The following GGA3 variants were observed in gnomAD, a reference collection of about 807,000 sequenced individuals.
GGA3 encodes the protein golgi associated, gamma adaptin ear containing, ARF binding protein 3, also known as ADP-ribosylation factor-binding protein GGA3.
A neutral mutation model predicts 77.5 loss-of-function variants in GGA3; 57 were observed. The observed-to-expected ratio is 0.74, with a 90% CI of 0.59 to 0.92. The LOEUF (loss-of-function observed/expected upper bound fraction) is 0.92. GGA3 is among the 40% of genes least tolerant of loss of function. The pLI is 0.00. For missense variants in GGA3, 970 were observed against 914.9 expected (o/e 1.06, Z -0.78); for synonymous variants, 416 against 383.7 (o/e 1.08, Z -0.98).
At chr17:75,250,864 G>A (rs2076941690) in intron 1 of GGA3, among the ~76,000 whole-genome samples, 1 of 151,322 alleles carries the variant, frequency 6.6e-6, no homozygotes, top group African/African-American at 2.4e-5. Flanking sequence ...GATCACCTGC[G>A]TGAGGTTAGG....
At position 75,243,186 on chromosome 17, in the gene GGA3, C is replaced by G. The variant is rs1191295303; in HGVS notation, c.425-20G>C. On this transcript the variant is annotated intron_variant, in intron 5 of 16. Transcript: ENST00000537686. The stretch of plus-strand genomic sequence containing the variant: ...CTATGCCTGAAAGGGGACATGGCAG[C>G]ACGTGCACTCAGGCTGTGGTTGCCT... 6.5e-7 allele frequency: 1 copy of G among 1,542,632 alleles called. No individual in the cohort carries two copies. Among genetic ancestry groups the G allele is most frequent in the Non-Finnish European group, 8.9e-7 (1 of 1,123,906 alleles).
chr17:75,259,281 ATCT>A (rs762509109), intron 1 of GGA3, among the ~76,000 whole-genome samples: 13 of 152,118 alleles, frequency 8.5e-5, no homozygotes, highest in East Asian at 5.8e-4. Context: ...TAAAGGCAAA[ATCT>A]TCTTAAACTT....
At chr17:75,246,465 G>C in intron 3 of GGA3, 44 bp downstream of exon 3, 1 of 1,286,232 alleles carries the variant, frequency 7.8e-7, no homozygotes, top group Non-Finnish European at 1.1e-6. Context: ...GGCGTGGGCA[G>C]GTGAAGGGCT....
At chr17:75,261,282 G>T in intron 1 of GGA3, among the ~76,000 whole-genome samples, 1 of 152,222 alleles carries the variant, frequency 6.6e-6, no homozygotes, top group Non-Finnish European at 1.5e-5. Flanking sequence ...GCCTTTCCCC[G>T]AGCCTGCGGT....
intron 1 of GGA3, among the ~76,000 whole-genome samples, chr17:75,253,853 T>C (rs2077054452): frequency 6.6e-6 from 1 of 152,150 alleles, no homozygotes; most frequent in African/African-American, 2.4e-5. Context: ...TCCCTTAGCC[T>C]GTGTTCTCAA....
chr17:75,254,233 C>T (rs1246764395), intron 1 of GGA3, among the ~76,000 whole-genome samples: 1 of 151,996 alleles, frequency 6.6e-6, no homozygotes, highest in Non-Finnish European at 1.5e-5. Context: ...TCAGGCTGCT[C>T]GTCGCCAGGC....
chr17:75,256,328 G>A (rs1019833849), intron 1 of GGA3, among the ~76,000 whole-genome samples: 3 of 151,886 alleles, frequency 2.0e-5, no homozygotes, highest in Admixed American at 6.6e-5. Flanking sequence ...CCTCATACCT[G>A]ATGCATATAC....
At chr17:75,257,673 A>G (rs1052324869) in intron 1 of GGA3, among the ~76,000 whole-genome samples, 1 of 151,988 alleles carries the variant, frequency 6.6e-6, no homozygotes, top group African/African-American at 2.4e-5. Flanking sequence ...ACATCCCCAC[A>G]AGATCTCCCT....
rs969810089 is a variant in GGA3 at position 75,238,028 on chromosome 17, G to A, written c.*251C>T. 1 of 1,289,768 alleles carries A rather than the reference G, an allele frequency of 7.8e-7. No individual in the cohort carries two copies. The highest frequency in any genetic ancestry group is 9.8e-7 in the Non-Finnish European group (1 of 1,018,594). 79.9% of individuals were successfully genotyped at this position (1,289,768 alleles called of 1,614,324 possible). A position where few individuals can be genotyped will look rare whatever the true frequency, so the allele number is the denominator to read the frequency against. ...TCCCGGGACAGCAGTGAAGTCAGGGGCCACTCCGCACCCCTGACAGCATAT... is the reference window on the plus strand; with the variant it reads ...TCCCGGGACAGCAGTGAAGTCAGGGACCACTCCGCACCCCTGACAGCATAT... On this transcript the variant is annotated 3_prime_UTR_variant, in exon 17 of 17. Coordinates refer to ENST00000537686, the MANE Select transcript of GGA3 (RefSeq NM_138619.4).
chr17:75,237,441 A>C lies in GGA3; in HGVS notation c.*838T>G. 6.6e-7 allele frequency: 1 copy of C among 1,509,046 alleles called. No individual in the cohort carries two copies. Among genetic ancestry groups the C allele is most frequent in the Non-Finnish European group, 8.9e-7 (1 of 1,122,110 alleles). The allele number at this position is 1,509,046 out of a possible 1,614,324, so 93.5% of individuals were successfully genotyped here. ...CGGTAGATTCCAAGGGGAGGATAGC[A>C]GTTTATTTCATGCCAAGCAAGAGGT... On this transcript the variant is annotated 3_prime_UTR_variant, in exon 17 of 17. Coordinates refer to ENST00000537686, the MANE Select transcript of GGA3 (RefSeq NM_138619.4).
At position 75,239,473 on chromosome 17, in the gene GGA3, A is replaced by G. The variant is rs1311785916; in HGVS notation, c.1682T>C (p.Leu561Pro). The G allele has an allele frequency of 6.3e-7, 1 of 1,580,840 alleles. No homozygotes were observed. Among genetic ancestry groups the G allele is most frequent in the Non-Finnish European group, 8.5e-7 (1 of 1,170,774 alleles). The change falls in exon 14 of 17, where the codon CTC becomes CCC. Residue 561 changes from leucine to proline, a missense_variant. Transcript: ENST00000537686. Reference protein sequence around the residue: ...LPFSTGPGSPLFQPLSFQSQG... With the variant: ...LPFSTGPGSPPFQPLSFQSQG... ...GGACTGGAAACTCAGTGGCTGGAAGAGCGGGCTGCCGGGCCCCGTGGAGAA... is the reference window on the plus strand; with the variant it reads ...GGACTGGAAACTCAGTGGCTGGAAGGGCGGGCTGCCGGGCCCCGTGGAGAA...
intron 11 of GGA3, 44 bp downstream of exon 11, chr17:75,240,768 G>A (rs1452745256): frequency 6.4e-7 from 1 of 1,565,694 alleles, no homozygotes; most frequent in Non-Finnish European, 8.6e-7. Context: ...CTTCCTCCCA[G>A]AGCCCTGTCA....
At position 75,239,998 on chromosome 17, in the gene GGA3, T is replaced by C. The variant is rs1414786826; in HGVS notation, c.1374A>G (p.Gln458=). The C allele has an allele frequency of 1.9e-6, 3 of 1,554,710 alleles. No homozygotes were observed. Among genetic ancestry groups the C allele is most frequent in the Non-Finnish European group, 2.6e-6 (3 of 1,149,808 alleles). ...QPSAPSSSSS[Q]APLPPPFPAP... Reference sequence around the variant, plus strand: ...CTGGGAAGGGAGGCGGCAGTGGAGCTTGGGAGCTGCTTGAGGAGGGGGCTG... The same window carrying C: ...CTGGGAAGGGAGGCGGCAGTGGAGCCTGGGAGCTGCTTGAGGAGGGGGCTG... The change falls in exon 13 of 17, where the codon CAA becomes CAG. Residue 458 remains glutamine (Q), a synonymous_variant. Coordinates refer to ENST00000537686, the MANE Select transcript of GGA3 (RefSeq NM_138619.4).
chr17:75,245,257 AG>A, intron 3 of GGA3, among the ~76,000 whole-genome samples: 1 of 152,282 alleles, frequency 6.6e-6, no homozygotes, highest in African/African-American at 2.4e-5. Flanking sequence ...GCGGTTTCTA[AG>A]GGGGAGTGCA....
intron 1 of GGA3, among the ~76,000 whole-genome samples, chr17:75,260,284 G>A (rs1358243366): frequency 1.3e-5 from 2 of 152,184 alleles, no homozygotes; most frequent in Non-Finnish European, 2.9e-5. Context: ...AGCAAGTTGG[G>A]CATTTCTGGG....
chr17:75,261,998 A>G, upstream of GGA3: 1 of 1,493,900 alleles, frequency 6.7e-7, no homozygotes, highest in Middle Eastern at 1.7e-4. Flanking sequence ...GAGGGTGGCG[A>G]GCAGCGGCGG....
intron 1 of GGA3, among the ~76,000 whole-genome samples, chr17:75,249,339 C>T (rs1474115778): frequency 8.5e-5 from 13 of 152,226 alleles, no homozygotes; most frequent in South Asian, 8.3e-4. Context: ...CACCGCACCC[C>T]GCCTAGGTTC....
At chr17:75,261,174 G>A (rs1489196527) in intron 1 of GGA3, among the ~76,000 whole-genome samples, 11 of 152,376 alleles carry the variant, frequency 7.2e-5, no homozygotes, top group Non-Finnish European at 1.6e-4. Flanking sequence ...CTTAGTCAGG[G>A]ATTGGGGCGC....
intron 1 of GGA3, among the ~76,000 whole-genome samples, chr17:75,255,571 C>A (rs1350573354): frequency 6.6e-6 from 1 of 152,218 alleles, no homozygotes; most frequent in Non-Finnish European, 1.5e-5. Flanking sequence ...TATCCCATCC[C>A]ACAGTATGCT....
Sources: gnomAD v4.1 joint callset for allele counts (sites outside exome capture counted in the v4.1 genomes callset) on GRCh38, gnomAD v4.1.1 for gene constraint, MANE v1.5 for transcripts, NCBI Gene and HGNC (gene_info 2026-07-23, HGNC 2026-07-21) for gene names.